The following FRMD4B variants were observed in gnomAD, a reference collection of about 807,000 sequenced individuals.
FRMD4B encodes FERM domain-containing protein 4B.
Under a neutral mutation model 141.5 loss-of-function variants are expected in FRMD4B, and 74 were observed. That is an observed-to-expected ratio of 0.52 (90% CI 0.43 to 0.63). FRMD4B has a LOEUF of 0.63. FRMD4B is among the 30% of genes least tolerant of loss of function. The probability of loss-of-function intolerance (pLI) is 0.00; values close to 1 mark genes in which losing one functional copy is unlikely to be tolerated. For missense variants in FRMD4B, 1,366 were observed against 1,253.4 expected, an observed-to-expected ratio of 1.09 and a Z score of -1.36; for synonymous variants, 506 against 467.9, an observed-to-expected ratio of 1.08 and a Z score of -1.05.
At chr3:69,467,501 T>A (rs1367319380) in intron 1 of FRMD4B, among the ~76,000 whole-genome samples, 1 of 152,220 alleles carries the variant, frequency 6.6e-6, no homozygotes, top group Non-Finnish European at 1.5e-5. Context: ...CAGTGAAACC[T>A]GTGGTTCCCC....
At chr3:69,399,069 A>G (rs1575787877) in intron 2 of FRMD4B, among the ~76,000 whole-genome samples, 1 of 152,250 alleles carries the variant, frequency 6.6e-6, no homozygotes, top group East Asian at 1.9e-4. Flanking sequence ...CTTGGAACAA[A>G]TAAATCTTAA....
At chr3:69,502,158 C>T (rs1216790111) in intron 1 of FRMD4B, among the ~76,000 whole-genome samples, 1 of 152,136 alleles carries the variant, frequency 6.6e-6, no homozygotes, top group African/African-American at 2.4e-5. Context: ...CAATGACTTT[C>T]TTCACAGAAT....
chr3:69,280,295 G>A (rs1480117210), intron 5 of FRMD4B, among the ~76,000 whole-genome samples: 3 of 152,068 alleles, frequency 2.0e-5, no homozygotes, highest in Non-Finnish European at 2.9e-5. Flanking sequence ...AGGTTCAGGG[G>A]CCCTCGCTTG....
intron 1 of FRMD4B, among the ~76,000 whole-genome samples, chr3:69,352,048 T>A (rs1703167778): frequency 6.6e-6 from 1 of 152,184 alleles, no homozygotes; most frequent in African/African-American, 2.4e-5. Flanking sequence ...AAATGTAGGA[T>A]CAAACACAGT....
chr3:69,482,390 C>T (rs1559541408), intron 1 of FRMD4B, among the ~76,000 whole-genome samples: 2 of 152,034 alleles, frequency 1.3e-5, no homozygotes, highest in Non-Finnish European at 2.9e-5. Context: ...AGTGTGTCTG[C>T]TCCCACACTT....
chr3:69,196,917 C>A lies in FRMD4B; in HGVS notation c.1075G>T (p.Asp359Tyr). Residue 359 changes from aspartate to tyrosine, a missense_variant, in exon 13 of 23, where the codon GAC (aspartate) becomes TAC (tyrosine). Transcript: ENST00000398540. ...MAISQHQFYL[D>Y]RKQSKAKIPS... is the part of the protein sequence containing the mutation. ...TTACTTACTTTGCTTTGCTTCCGGT[C>A]CAAGTAAAACTGATGCTGACTAATT... 2 of 1,611,088 alleles carry A rather than the reference C, an allele frequency of 1.2e-6. No individual in the cohort carries two copies. The highest frequency in any genetic ancestry group is 1.1e-5 in the South Asian group (1 of 90,878).
In FRMD4B at chr3:69,232,928, T is replaced by A. The variant is rs1284926275; in HGVS notation, c.582-8238A>T. Reference sequence around the variant, plus strand: ...TTTTGTTGTTTGTTTTTTTTTTTTTTTTTGGTAGGGATGAGGTCTCCCTTT... The same window carrying A: ...TTTTGTTGTTTGTTTTTTTTTTTTTATTTGGTAGGGATGAGGTCTCCCTTT... On this transcript the variant is annotated intron_variant, in intron 7 of 22. Transcript: ENST00000398540. Among the ~76,000 whole-genome samples, 3 of 132,412 alleles carry A rather than the reference T, an allele frequency of 2.3e-5. No individual in the cohort carries two copies. In the East Asian group the frequency reaches 6.3e-4, roughly 28 times the overall value. 86.9% of individuals were successfully genotyped at this position (132,412 alleles called of 152,430 possible).
chr3:69,334,874 C>G (rs1702491356), intron 1 of FRMD4B, among the ~76,000 whole-genome samples: 1 of 152,194 alleles, frequency 6.6e-6, no homozygotes, highest in African/African-American at 2.4e-5. Context: ...AAAGACTTGC[C>G]AGCGAAGAAG....
chr3:69,377,507 G>A (rs1704003244), intron 1 of FRMD4B, among the ~76,000 whole-genome samples: 1 of 152,188 alleles, frequency 6.6e-6, no homozygotes, highest in African/African-American at 2.4e-5. Flanking sequence ...CCCGTAGAAG[G>A]TGCTTGATGT....
At chr3:69,409,200 G>A (rs745844023) in intron 2 of FRMD4B, among the ~76,000 whole-genome samples, 8 of 152,132 alleles carry the variant, frequency 5.3e-5, no homozygotes, top group Non-Finnish European at 7.4e-5. Flanking sequence ...GAATGCAAAA[G>A]GGAAGAAGGC....
chr3:69,265,139 C>T (rs1239193587), intron 5 of FRMD4B, among the ~76,000 whole-genome samples: 2 of 148,468 alleles, frequency 1.3e-5, no homozygotes, highest in African/African-American at 2.5e-5. Context: ...CCTGTAGTCC[C>T]AGCTACTCGG....
chr3:69,312,901 A>C (rs7649373), intron 2 of FRMD4B, among the ~76,000 whole-genome samples: 4 of 151,710 alleles, frequency 2.6e-5, no homozygotes, highest in African/African-American at 7.3e-5. Flanking sequence ...AAAAAAAAAT[A>C]TATCTATCTA....
intron 1 of FRMD4B, among the ~76,000 whole-genome samples, chr3:69,540,706 ATTG>A (rs1371405236): frequency 4.5e-5 from 6 of 132,612 alleles, no homozygotes; most frequent in Non-Finnish European, 9.4e-5. Context: ...AGTTATTGTT[ATTG>A]TTATTATTTT....
intron 2 of FRMD4B, among the ~76,000 whole-genome samples, chr3:69,418,633 T>A (rs1189696834): frequency 6.6e-6 from 1 of 152,158 alleles, no homozygotes; most frequent in Non-Finnish European, 1.5e-5. Context: ...GCAGGTGGCT[T>A]CCAGAAGCTG....
At chr3:69,432,567 A>G (rs1243083317) in intron 2 of FRMD4B, 2 of 147,000 alleles carry the variant, frequency 1.4e-5, no homozygotes, top group African/African-American at 4.9e-5. Context: ...GCAAACACAC[A>G]TAAACTCACT....
rs561944461 is a variant in FRMD4B, at chr3:69,289,411, C to T, written c.417-1575G>A. 6.6e-5 allele frequency among the ~76,000 whole-genome samples: 10 copies of T among 152,258 alleles called. No homozygotes were observed. The East Asian group carries it at 7.7e-4, about 12-fold the overall frequency. ...CCTCCTTGAGCTATGTATTTTTCTC[C>T]GGAAACTGCTTGCTACTGCCAAAAC... On this transcript the variant is annotated intron_variant, in intron 4 of 22. Coordinates refer to ENST00000398540, the MANE Select transcript of FRMD4B (RefSeq NM_015123.3).
At chr3:69,386,471 C>G (rs1704258108), upstream of FRMD4B, among the ~76,000 whole-genome samples, 1 of 152,100 alleles carries the variant, frequency 6.6e-6, no homozygotes, top group Non-Finnish European at 1.5e-5. Context: ...CCACACCGGA[C>G]GAGTGGTCTC....
intron 2 of FRMD4B, among the ~76,000 whole-genome samples, chr3:69,429,272 C>A (rs1465134280): frequency 6.6e-6 from 1 of 152,294 alleles, no homozygotes. Flanking sequence ...AGATAAATCC[C>A]TAAAAGTTAT....
chr3:69,278,191 A>C lies in FRMD4B; in HGVS notation c.501+9561T>G, dbSNP rs551193114. Among the ~76,000 whole-genome samples, 11 of 152,312 alleles carry C rather than the reference A, an allele frequency of 7.2e-5. 1 individual carries two copies. In the South Asian group the frequency reaches 2.3e-3, roughly 32 times the overall value. ...TCAAAAGTGTGGTAGGCAGTCCATT[A>C]ATAAGTATTGCTTTAAAAAAGAATT... On this transcript the variant is annotated intron_variant, in intron 5 of 22. Transcript: ENST00000398540.
Sources: allele counts gnomAD v4.1 joint callset (sites outside exome capture counted in the v4.1 genomes callset), GRCh38; gene constraint gnomAD v4.1.1; transcripts MANE v1.5; gene names NCBI Gene and HGNC (gene_info 2026-07-23, HGNC 2026-07-21).